KCNK9: variants seen among roughly 807,000 people sequenced by gnomAD.
KCNK9 encodes potassium two pore domain channel subfamily K member 9, also known as potassium channel subfamily K member 9.
KCNK9 carries 1 observed loss-of-function variant against 10.8 expected under a neutral mutation model. The observed-to-expected ratio is 0.09, with a 90% CI of 0.03 to 0.44. The LOEUF (loss-of-function observed/expected upper bound fraction) is 0.44, where lower values mean the gene tolerates loss of function less well. Ranked by LOEUF, KCNK9 falls within the 20% of genes least tolerant of loss-of-function variation. The pLI is 0.97. For missense variants in KCNK9, 303 were observed against 515.0 expected, an observed-to-expected ratio of 0.59 and a Z score of 3.98; for synonymous variants, 231 against 222.7, an observed-to-expected ratio of 1.04 and a Z score of -0.33.
chr8:139,685,109 A>G (rs967193644), intron 1 of KCNK9, among the ~76,000 whole-genome samples: 36 of 37,914 alleles, frequency 9.5e-4, no homozygotes, highest in African/African-American at 2.1e-3. Flanking sequence ...TTATACACAA[A>G]AAAAGAAATA....
At chr8:139,687,952 A>C (rs1227960551) in intron 1 of KCNK9, among the ~76,000 whole-genome samples, 1 of 152,112 alleles carries the variant, frequency 6.6e-6, no homozygotes, top group Non-Finnish European at 1.5e-5. Flanking sequence ...ATGCATCATT[A>C]TCTCTTAAAG....
chr8:139,635,237 CA>C (rs1347332923), intron 1 of KCNK9, among the ~76,000 whole-genome samples: 1 of 152,228 alleles, frequency 6.6e-6, no homozygotes, highest in Non-Finnish European at 1.5e-5. Flanking sequence ...TTCTAAACAG[CA>C]GAGTAACTGT....
At chr8:139,636,608 C>T (rs1322057919) in intron 1 of KCNK9, among the ~76,000 whole-genome samples, 1 of 152,210 alleles carries the variant, frequency 6.6e-6, no homozygotes, top group African/African-American at 2.4e-5. Flanking sequence ...TCCAGAAGGG[C>T]AGAGCGAGGA....
At chr8:139,698,047 T>A (rs1409012697) in intron 1 of KCNK9, among the ~76,000 whole-genome samples, 7 of 151,974 alleles carry the variant, frequency 4.6e-5, no homozygotes, top group African/African-American at 1.7e-4. Flanking sequence ...TACTGAAGGG[T>A]GGAGCTAAAG....
Position 139,687,481 on chromosome 8 carries a change from T to TAC in KCNK9, c.283+15227_283+15228dup, listed in dbSNP as rs1382861847. Among the ~76,000 whole-genome samples, 284 of 119,216 alleles carry TAC rather than the reference T, an allele frequency of 2.4e-3. 66 individuals carry two copies. The highest frequency in any genetic ancestry group is 8.2e-3 in the African/African-American group (251 of 30,770). 78.2% of individuals were successfully genotyped at this position (119,216 alleles called of 152,430 possible). ...ATATTCATATATTCATATATATGTA[T>TAC]ACATATATACACATATATACATATA... On this transcript the variant is annotated intron_variant, in intron 1 of 1. Coordinates refer to ENST00000520439, the MANE Select transcript of KCNK9 (RefSeq NM_001282534.2).
chr8:139,688,128 T>C (rs67430315), intron 1 of KCNK9, among the ~76,000 whole-genome samples: 11,205 of 152,136 alleles, frequency 0.074, 486 homozygotes, highest in East Asian at 0.19. Context: ...ACTCAAAACA[T>C]GCTAAAGGAG....
chr8:139,613,344 G>A (rs1051318662), downstream of KCNK9, among the ~76,000 whole-genome samples: 1 of 152,144 alleles, frequency 6.6e-6, no homozygotes, highest in African/African-American at 2.4e-5. Context: ...TCATAGATTT[G>A]CTGTTTTCCT....
chr8:139,661,909 C>T (rs1435703405), intron 1 of KCNK9, among the ~76,000 whole-genome samples: 4 of 152,254 alleles, frequency 2.6e-5, no homozygotes, highest in African/African-American at 9.6e-5. Flanking sequence ...TGAGGGCCAG[C>T]CTCCTGTTCC....
At chr8:139,614,798 T>C (rs150201668), downstream of KCNK9, among the ~76,000 whole-genome samples, 9 of 152,350 alleles carry the variant, frequency 5.9e-5, no homozygotes, top group African/African-American at 2.2e-4. Context: ...TGAACTCTTT[T>C]CAACTAAGAG....
chr8:139,613,024 T>G (rs1256156843), downstream of KCNK9, among the ~76,000 whole-genome samples: 1 of 152,228 alleles, frequency 6.6e-6, no homozygotes, highest in African/African-American at 2.4e-5. Context: ...TGGACATTTT[T>G]GGGACAATTG....
intron 1 of KCNK9, among the ~76,000 whole-genome samples, chr8:139,644,667 G>C (rs1000086603): frequency 6.6e-6 from 1 of 151,980 alleles, no homozygotes; most frequent in African/African-American, 2.4e-5. Flanking sequence ...CCACTCAGGA[G>C]CATGGGACCA....
intron 1 of KCNK9, among the ~76,000 whole-genome samples, chr8:139,641,756 C>T (rs962865766): frequency 2.6e-5 from 4 of 152,214 alleles, no homozygotes; most frequent in Non-Finnish European, 4.4e-5. Context: ...TACATGGCTG[C>T]CCTCCTGGGG....
chr8:139,673,747 G>A (rs1274596002), intron 1 of KCNK9, among the ~76,000 whole-genome samples: 2 of 152,192 alleles, frequency 1.3e-5, no homozygotes, highest in Non-Finnish European at 2.9e-5. Context: ...GCCCTCTTCT[G>A]CTGCAGTCAG....
At chr8:139,672,611 A>C (rs1172614674) in intron 1 of KCNK9, among the ~76,000 whole-genome samples, 5 of 152,234 alleles carry the variant, frequency 3.3e-5, no homozygotes, top group African/African-American at 1.2e-4. Context: ...CCCCCAGGGG[A>C]GCCTGTAGCA....
intron 1 of KCNK9, among the ~76,000 whole-genome samples, chr8:139,638,061 A>G (rs113895124): frequency 2.0e-4 from 31 of 152,066 alleles, no homozygotes; most frequent in African/African-American, 6.5e-4. Flanking sequence ...CATCTGTGGA[A>G]TAAGAGAACA....
chr8:139,621,370 A>C (rs979561246), intron 1 of KCNK9, among the ~76,000 whole-genome samples: 3 of 152,196 alleles, frequency 2.0e-5, no homozygotes, highest in African/African-American at 7.2e-5. Flanking sequence ...CCCAGGCAGG[A>C]CAAATACAAA....
intron 1 of KCNK9, among the ~76,000 whole-genome samples, chr8:139,651,986 A>C (rs1417927858): frequency 6.6e-6 from 1 of 152,098 alleles, no homozygotes; most frequent in African/African-American, 2.4e-5. Context: ...TGCAATGAGA[A>C]GCACCTGACC....
intron 1 of KCNK9, among the ~76,000 whole-genome samples, chr8:139,690,951 G>A (rs1816922966): frequency 6.6e-6 from 1 of 152,198 alleles, no homozygotes; most frequent in African/African-American, 2.4e-5. Flanking sequence ...CTGGCACACT[G>A]ATGAAAAGGC....
At chr8:139,683,855 A>T (rs1373125905) in intron 1 of KCNK9, among the ~76,000 whole-genome samples, 1 of 152,234 alleles carries the variant, frequency 6.6e-6, no homozygotes, top group African/African-American at 2.4e-5. Flanking sequence ...TGATGGGTCT[A>T]AGTGTGGCCA....
Sources: gnomAD v4.1 joint callset for allele counts (sites outside exome capture counted in the v4.1 genomes callset) on GRCh38, gnomAD v4.1.1 for gene constraint, MANE v1.5 for transcripts, NCBI Gene and HGNC (gene_info 2026-07-23, HGNC 2026-07-21) for gene names.